Variants in ATP2A1 observed in about 807,000 individuals in gnomAD.
The protein encoded by ATP2A1 is ATPase sarcoplasmic/endoplasmic reticulum Ca2+ transporting 1.
Under a neutral mutation model 109.5 loss-of-function variants are expected in ATP2A1, and 83 were observed. The ratio of observed to expected loss-of-function variants is 0.76; its 90% CI spans 0.63 to 0.91. ATP2A1 has a LOEUF of 0.91. Among genes scored for constraint, ATP2A1 ranks in the 40% least tolerant of loss-of-function variants. The pLI, the probability that ATP2A1 is intolerant of heterozygous loss-of-function variation, is 0.00. For missense variants in ATP2A1, 1,101 were observed against 1,341.0 expected, an observed-to-expected ratio of 0.82 and a Z score of 2.80; for synonymous variants, 505 against 537.6, an observed-to-expected ratio of 0.94 and a Z score of 0.84.
rs1963641915 is a variant in ATP2A1 at position 28,887,334 on chromosome 16, G to GA, written c.630+63dup. 4 of 1,612,900 alleles carry GA rather than the reference G, an allele frequency of 2.5e-6. No individual in the cohort carries two copies. In the East Asian group the frequency reaches 8.9e-5, roughly 36 times the overall value. On this transcript the variant is annotated intron_variant, in intron 7 of 22. Transcript: ENST00000395503. ...TCAAGCCAGGTGCCCGGGTTGGAGA[G>GA]AAACATGGCGTGTGAGAAGAGATGG...
At chr16:28,882,757 C>A (rs535942496) in intron 5 of ATP2A1, among the ~76,000 whole-genome samples, 168 bp downstream of exon 5, 6 of 152,336 alleles carry the variant, frequency 3.9e-5, no homozygotes, top group Non-Finnish European at 7.4e-5. Context: ...CACATCCCCC[C>A]CTCCCCAGCG....
intron 9 of ATP2A1, among the ~76,000 whole-genome samples, chr16:28,893,489 A>T (rs1399894697): frequency 6.6e-6 from 1 of 152,156 alleles, no homozygotes; most frequent in Non-Finnish European, 1.5e-5. Context: ...AAACTGGAAG[A>T]TCTGGCCACA....
In ATP2A1 at chr16:28,904,354, C is replaced by T. The variant is rs777776571; in HGVS notation, c.*212C>T. The T allele has an allele frequency of 1.3e-6, 2 of 1,544,812 alleles. No individual in the cohort carries two copies. Among genetic ancestry groups the T allele is most frequent in the Non-Finnish European group, 1.7e-6 (2 of 1,150,320 alleles). ...CCTTTCCTTCCCCCTCGGCCACCCG[C>T]CTCCCTCTCAACCTTGTAAATTCCC... On this transcript the variant is annotated 3_prime_UTR_variant, in exon 23 of 23. Transcript: ENST00000395503.
At position 28,904,188 on chromosome 16, in the gene ATP2A1, G is replaced by A; in HGVS notation, c.*46G>A. 1 of 1,612,476 alleles carries A rather than the reference G, an allele frequency of 6.2e-7. No homozygotes were observed. ...TCTCTTTCCCCTTCCAGATCCAGAAGATGAAAGAAGGAAGTGAGCATCCTT... is the reference window on the plus strand; with the variant it reads ...TCTCTTTCCCCTTCCAGATCCAGAAAATGAAAGAAGGAAGTGAGCATCCTT... On this transcript the variant is annotated 3_prime_UTR_variant, in exon 23 of 23. Coordinates refer to ENST00000395503, the MANE Select transcript of ATP2A1 (RefSeq NM_004320.6).
In ATP2A1 at chr16:28,903,261, C is replaced by T; in HGVS notation, c.2863-62C>T. The T allele has an allele frequency of 1.9e-6, 3 of 1,565,532 alleles. No individual in the cohort carries two copies. Among genetic ancestry groups the T allele is most frequent in the Admixed American group, 1.7e-5 (1 of 59,936 alleles). On this transcript the variant is annotated intron_variant, in intron 20 of 22. Transcript: ENST00000395503. This position sits in a 1 kb window ranked among gnomAD's most constrained non-coding sequence, Gnocchi z 5.6. The stretch of plus-strand genomic sequence containing the variant: ...GGGAGGCTGGTGGGAGTGGGCTGGG[C>T]AGTGCTGGTCTCTGGCTCCCTCCCC...
chr16:28,888,698 C>A, intron 8 of ATP2A1, 89 bp from the exon 9 acceptor site: 1 of 1,485,958 alleles, frequency 6.7e-7, no homozygotes, highest in Non-Finnish European at 9.2e-7. Flanking sequence ...CACCAACGTG[C>A]CCAGCTGGGG....
At chr16:28,879,452 T>C in intron 2 of ATP2A1, 49 bp from the exon 3 acceptor site, 1 of 1,567,438 alleles carries the variant, frequency 6.4e-7, no homozygotes, top group Non-Finnish European at 8.8e-7. Context: ...TCCCAGACCT[T>C]CACCCACTAG....
rs1461875123 is a variant in ATP2A1 at position 28,894,922 on chromosome 16, C to G, written c.1388C>G (p.Ser463Trp). Reference protein sequence around the residue: ...NVFNTDVRSLSKVERANACNS... With the variant: ...NVFNTDVRSLWKVERANACNS... ...TTCAACACGGATGTGAGAAGCCTCT[C>G]GAAGGTGGAGAGAGCCAACGCCTGC... Residue 463 changes from serine (S) to tryptophan (W), a missense_variant, in exon 12 of 23, where the codon TCG becomes TGG. By Grantham distance (177) the Ser-to-Trp change is radical. Coordinates refer to ENST00000395503, the MANE Select transcript of ATP2A1 (RefSeq NM_004320.6). 6.2e-7 allele frequency: 1 copy of G among 1,612,314 alleles called. No individual in the cohort carries two copies. Among genetic ancestry groups the G allele is most frequent in the African/African-American group, 1.3e-5 (1 of 74,920 alleles).
At chr16:28,894,017 C>T (rs141965738) in intron 9 of ATP2A1, 138 bp from the exon 10 acceptor site, 6 of 707,208 alleles carry the variant, frequency 8.5e-6, no homozygotes, top group African/African-American at 5.2e-5. Context: ...GTAGGGTATA[C>T]GGGGGGGATG....
chr16:28,878,859 T>C (rs1963358528), intron 1 of ATP2A1, 70 bp downstream of exon 1: 2 of 1,504,160 alleles, frequency 1.3e-6, no homozygotes, highest in Admixed American at 3.3e-5. Flanking sequence ...CGCACACGCA[T>C]GCACGCGTTT....
In ATP2A1 at chr16:28,887,590, C is replaced by T; in HGVS notation, c.796C>T (p.Leu266Phe). Residue 266 changes from leucine (L) to phenylalanine (F), a missense_variant, in exon 8 of 23, where the codon CTC becomes TTC. Coordinates refer to ENST00000395503, the MANE Select transcript of ATP2A1 (RefSeq NM_004320.6). ...GGAGCAGCTCTCCAAGGTCATCTCC[C>T]TCATCTGTGTGGCTGTCTGGCTTAT... ...FGEQLSKVISLICVAVWLINI... is the reference protein window; with the variant it reads ...FGEQLSKVISFICVAVWLINI... The T allele has an allele frequency of 2.5e-6, 4 of 1,614,102 alleles. No homozygotes were observed. Among genetic ancestry groups the T allele is most frequent in the Non-Finnish European group, 3.4e-6 (4 of 1,180,014 alleles).
rs2152196866 is a variant in ATP2A1, at chr16:28,879,564, T to G, written c.200T>G (p.Leu67Arg). Reference protein sequence around the residue: ...FEDLLVRILLLAACISFVLAW... With the variant: ...FEDLLVRILLRAACISFVLAW... ...GACCTCCTGGTGCGGATTCTCCTCC[T>G]GGCCGCATGCATTTCCTTCGTAAGT... The change falls in exon 3 of 23, where the codon CTG becomes CGG. Residue 67 changes from leucine (L) to arginine (R), a missense_variant. Transcript: ENST00000395503. 6.2e-7 allele frequency: 1 copy of G among 1,614,134 alleles called. No individual in the cohort carries two copies. Among genetic ancestry groups the G allele is most frequent in the Non-Finnish European group, 8.5e-7 (1 of 1,180,012 alleles).
chr16:28,887,529 C>A lies in ATP2A1; in HGVS notation c.735C>A (p.Asp245Glu), dbSNP rs768576283. Reference protein sequence around the residue: ...IRDQMAATEQDKTPLQQKLDE... With the variant: ...IRDQMAATEQEKTPLQQKLDE... ...ACCAAATGGCTGCCACAGAACAGGA[C>A]AAGACCCCCTTGCAGCAGAAGCTGG... The change falls in exon 8 of 23, where the codon GAC becomes GAA. Residue 245 changes from aspartate (D) to glutamate (E), a missense_variant. Transcript: ENST00000395503. The A allele has an allele frequency of 6.2e-7, 1 of 1,613,860 alleles. No individual in the cohort carries two copies. The highest frequency in any genetic ancestry group is 1.3e-5 in the African/African-American group (1 of 74,870).
chr16:28,889,112 C>T (rs916460052), intron 9 of ATP2A1, among the ~76,000 whole-genome samples, 159 bp downstream of exon 9: 10 of 152,252 alleles, frequency 6.6e-5, no homozygotes, highest in East Asian at 3.9e-4. Flanking sequence ...CTGCCATGAA[C>T]GGGATCAGAG....
chr16:28,879,635 G>A (rs112987448), intron 3 of ATP2A1, 52 bp downstream of exon 3: 9 of 1,558,446 alleles, frequency 5.8e-6, no homozygotes, highest in Admixed American at 1.7e-5. Context: ...GGCTGGGATC[G>A]GGCGAATGCG....
intron 6 of ATP2A1, among the ~76,000 whole-genome samples, chr16:28,885,005 G>A (rs542921870): frequency 1.3e-5 from 2 of 152,216 alleles, no homozygotes; most frequent in East Asian, 3.9e-4. Context: ...TTGGGAGGCC[G>A]AGGTGGGTGG....
At position 28,900,697 on chromosome 16, in the gene ATP2A1, C is replaced by G; in HGVS notation, c.1881C>G (p.Asp627Glu). The stretch of plus-strand genomic sequence containing the variant: ...TCCGGGTGATCATGATCACTGGGGA[C>G]AACAAGGGCACAGCCATTGCCATCT... Reference protein sequence around the residue: ...AGIRVIMITGDNKGTAIAICR... With the variant: ...AGIRVIMITGENKGTAIAICR... Residue 627 changes from aspartate (D) to glutamate (E), a missense_variant, in exon 15 of 23, where the codon GAC (aspartate) becomes GAG (glutamate). Physicochemically the swap from Asp to Glu is conservative, Grantham distance 45. Coordinates refer to ENST00000395503, the MANE Select transcript of ATP2A1 (RefSeq NM_004320.6). The G allele has an allele frequency of 6.2e-7, 1 of 1,613,986 alleles. No homozygotes were observed. The highest frequency in any genetic ancestry group is 8.5e-7 in the Non-Finnish European group (1 of 1,179,882).
At position 28,894,901 on chromosome 16, in the gene ATP2A1, A is replaced by G. The variant is rs185041245; in HGVS notation, c.1367A>G (p.Asn456Ser). The part of the protein sequence containing the change: ...TTLVEKMNVF[N>S]TDVRSLSKVE... The stretch of plus-strand genomic sequence containing the variant: ...CTGGTGGAGAAGATGAATGTGTTCA[A>G]CACGGATGTGAGAAGCCTCTCGAAG... The change falls in exon 12 of 23, where the codon AAC becomes AGC. Residue 456 changes from asparagine (N) to serine (S), a missense_variant. Asn to Ser is a conservative substitution (Grantham distance 46). Coordinates refer to ENST00000395503, the MANE Select transcript of ATP2A1 (RefSeq NM_004320.6). The G allele has an allele frequency of 1.6e-4, 257 of 1,612,480 alleles. 1 individual carries two copies. Among genetic ancestry groups the G allele is most frequent in the Non-Finnish European group, 9.5e-5 (112 of 1,180,000 alleles).
rs1963446803 is a variant in ATP2A1, at chr16:28,880,770, G to A, written c.220-145G>A. The stretch of plus-strand genomic sequence containing the variant: ...ATGGACAGACCCTCAGACGGATGTG[G>A]GGCCACAGCGCCCCGACGGTGCCCG... On this transcript the variant is annotated intron_variant, in intron 3 of 22. Coordinates refer to ENST00000395503, the MANE Select transcript of ATP2A1 (RefSeq NM_004320.6). This position sits in a 1 kb window ranked among gnomAD's most constrained non-coding sequence, Gnocchi z 4.2. 2 of 773,436 alleles carry A rather than the reference G, an allele frequency of 2.6e-6. No homozygotes were observed. The highest frequency in any genetic ancestry group is 4.5e-6 in the Non-Finnish European group (2 of 440,762). The allele number at this position is 773,436 out of a possible 1,614,324, so 47.9% of individuals were successfully genotyped here.
Sources: gnomAD v4.1 joint callset for allele counts (sites outside exome capture counted in the v4.1 genomes callset) on GRCh38, gnomAD v4.1.1 for gene constraint, Gnocchi (gnomAD v3.1) non-coding constraint, MANE v1.5 for transcripts, NCBI Gene and HGNC (gene_info 2026-07-23, HGNC 2026-07-21) for gene names.